Variants in UST observed in about 807,000 individuals in gnomAD.
UST encodes the protein chondroitin sulfate 2-O-sulfotransferase.
A neutral mutation model predicts 45.6 loss-of-function variants in UST; 21 were observed. The ratio of observed to expected loss-of-function variants is 0.46; its 90% CI spans 0.33 to 0.66. The LOEUF (loss-of-function observed/expected upper bound fraction) is 0.66, where lower values mean the gene tolerates loss of function less well. UST is among the 30% of genes least tolerant of loss of function. UST has a pLI of 0.02. For synonymous variants in UST, 215 were observed against 200.6 expected (o/e 1.07, Z -0.61); for missense variants, 463 against 512.4 (o/e 0.90, Z 0.93).
At chr6:148,912,161 C>A (rs1779488504) in intron 2 of UST, among the ~76,000 whole-genome samples, 1 of 152,248 alleles carries the variant, frequency 6.6e-6, no homozygotes. Context: ...CATGCCAATG[C>A]ACTCCAGCCT....
At chr6:149,023,154 TG>T (rs1443501677) in intron 7 of UST, among the ~76,000 whole-genome samples, 1 of 145,370 alleles carries the variant, frequency 6.9e-6, no homozygotes. Context: ...GTGTGTGGTG[TG>T]GTGTGGTGTG....
At chr6:148,814,448 A>T (rs908734224) in intron 1 of UST, among the ~76,000 whole-genome samples, 1 of 151,924 alleles carries the variant, frequency 6.6e-6, no homozygotes, top group African/African-American at 2.4e-5. Flanking sequence ...CTGCATGGAG[A>T]GATGAAGCAA....
intron 1 of UST, among the ~76,000 whole-genome samples, chr6:148,834,807 T>C (rs72999201): frequency 0.014 from 2,206 of 152,214 alleles, 30 homozygotes; most frequent in Middle Eastern, 0.031. Flanking sequence ...TGTGGGGGGA[T>C]TTTTAAATTT....
chr6:149,008,832 A>C (rs978449301), intron 5 of UST, among the ~76,000 whole-genome samples: 10 of 152,214 alleles, frequency 6.6e-5, no homozygotes, highest in African/African-American at 2.4e-4. Context: ...ATGTTTCCTG[A>C]GAAAAGACCT....
intron 5 of UST, among the ~76,000 whole-genome samples, chr6:148,976,962 C>T (rs955160962): frequency 6.6e-6 from 1 of 151,974 alleles, no homozygotes; most frequent in Admixed American, 6.6e-5. Context: ...AAAATATTCT[C>T]CATGGTGTCT....
intron 2 of UST, among the ~76,000 whole-genome samples, chr6:148,890,316 G>A (rs1778992003): frequency 6.6e-6 from 1 of 152,256 alleles, no homozygotes; most frequent in South Asian, 2.1e-4. Context: ...GGCCTCAGTG[G>A]TTTAGGTCTG....
rs1453337229 is a variant in UST, at chr6:148,762,587, A to G, written c.247+14910A>G. 7.4e-5 allele frequency among the ~76,000 whole-genome samples: 11 copies of G among 148,540 alleles called. No homozygotes were observed. The East Asian group carries it at 2.2e-3, about 30-fold the overall frequency. On this transcript the variant is annotated intron_variant, in intron 1 of 7. Coordinates refer to ENST00000367463, the MANE Select transcript of UST (RefSeq NM_005715.3). ...GGGAGTATAAGTGCATGCTTTTTAC[A>G]TGGGTATATTGCATAATGGTGAGGT...
chr6:148,989,217 CCA>C (rs755563484), intron 5 of UST, among the ~76,000 whole-genome samples: 1,087 of 91,036 alleles, frequency 0.012, 61 homozygotes, highest in South Asian at 0.1. Context: ...AGGCCCCCCC[CCA>C]CCCCCCGCAA....
chr6:148,811,662 G>T (rs1777258569), intron 1 of UST, among the ~76,000 whole-genome samples: 1 of 152,164 alleles, frequency 6.6e-6, no homozygotes, highest in African/African-American at 2.4e-5. Context: ...ATAGCAGTTG[G>T]TGTCTACACA....
At chr6:148,915,543 A>G (rs1779572342) in intron 2 of UST, among the ~76,000 whole-genome samples, 2 of 152,206 alleles carry the variant, frequency 1.3e-5, no homozygotes. Flanking sequence ...AAAAAGCAGG[A>G]AATGTTGGAA....
chr6:148,861,767 T>C (rs910420569), intron 1 of UST, among the ~76,000 whole-genome samples: 85 of 152,332 alleles, frequency 5.6e-4, no homozygotes, highest in African/African-American at 1.8e-3. Flanking sequence ...CCAGTAGTCA[T>C]TCAGGAGCAG....
chr6:148,812,651 T>C (rs1469080005), intron 1 of UST, among the ~76,000 whole-genome samples: 8 of 152,214 alleles, frequency 5.3e-5, no homozygotes, highest in Admixed American at 5.2e-4. Context: ...GGTCTCCCCA[T>C]AGGGGTGCTC....
chr6:149,014,904 G>A (rs115035570), intron 5 of UST, among the ~76,000 whole-genome samples: 1 of 152,164 alleles, frequency 6.6e-6, no homozygotes, highest in Non-Finnish European at 1.5e-5. Context: ...CTGTCAATAG[G>A]AGTCCTCCAA....
chr6:148,851,718 G>A (rs1778110204), intron 1 of UST, among the ~76,000 whole-genome samples: 1 of 152,186 alleles, frequency 6.6e-6, no homozygotes, highest in African/African-American at 2.4e-5. Context: ...GGTGACGGCT[G>A]GGAATAGAAT....
At chr6:148,965,876 C>CTT (rs56202168) in intron 5 of UST, among the ~76,000 whole-genome samples, 3 of 126,242 alleles carry the variant, frequency 2.4e-5, no homozygotes, top group Admixed American at 8.1e-5. Context: ...TGGCTTTTCC[C>CTT]TTTTTTTTTT....
intron 1 of UST, among the ~76,000 whole-genome samples, chr6:148,809,598 G>A (rs1350746104): frequency 6.6e-6 from 1 of 152,202 alleles, no homozygotes; most frequent in Non-Finnish European, 1.5e-5. Context: ...AGGGTATTTG[G>A]AAAGTAGAAG....
intron 2 of UST, among the ~76,000 whole-genome samples, chr6:148,893,871 G>A (rs540950699): frequency 2.0e-5 from 3 of 152,224 alleles, no homozygotes; most frequent in East Asian, 3.9e-4. Context: ...CCTGGGATGC[G>A]GACAGGCATG....
chr6:148,822,560 G>A (rs2114745619), intron 1 of UST, among the ~76,000 whole-genome samples: 1 of 152,308 alleles, frequency 6.6e-6, no homozygotes, highest in South Asian at 2.1e-4. Context: ...ATAGTATTCT[G>A]CATAGTCTGT....
chr6:149,000,501 C>T lies in UST; in HGVS notation c.682-18638C>T, dbSNP rs1017595117. ...AGAGGCAGCAGAGAGAGGAAGAAGA[C>T]GGAGACAGATTATGAATCTCCTACC... On this transcript the variant is annotated intron_variant, in intron 5 of 7. Transcript: ENST00000367463. Among the ~76,000 whole-genome samples the T allele has an allele frequency of 5.9e-5, 9 of 151,778 alleles. No individual in the cohort carries two copies. In the South Asian group the frequency reaches 6.2e-4, roughly 11 times the overall value.
Sources: gnomAD v4.1 joint callset for allele counts (sites outside exome capture counted in the v4.1 genomes callset) on GRCh38, gnomAD v4.1.1 for gene constraint, MANE v1.5 for transcripts, NCBI Gene and HGNC (gene_info 2026-07-23, HGNC 2026-07-21) for gene names.